The following CLEC5A variants were observed in gnomAD, a reference collection of about 807,000 sequenced individuals.
CLEC5A encodes the protein C-type lectin domain family 5 member A.
A neutral mutation model predicts 24.4 loss-of-function variants in CLEC5A; 15 were observed. The ratio of observed to expected loss-of-function variants is 0.62; its 90% confidence interval spans 0.41 to 0.95. The LOEUF (loss-of-function observed/expected upper bound fraction) is 0.95. CLEC5A is among the 40% of genes least tolerant of loss of function. The probability of loss-of-function intolerance (pLI) is 0.00; values close to 1 mark genes in which losing one functional copy is unlikely to be tolerated. For missense variants in CLEC5A, 211 were observed against 224.0 expected (o/e 0.94, Z 0.37); for synonymous variants, 71 against 72.6 (o/e 0.98, Z 0.11).
chr7:141,941,141 G>T (rs186696488), intron 4 of CLEC5A, among the ~76,000 whole-genome samples: 1 of 151,718 alleles, frequency 6.6e-6, no homozygotes, highest in Non-Finnish European at 1.5e-5. Flanking sequence ...GAAACTACAC[G>T]CAAATATACC....
At chr7:141,930,834 C>T (rs73525929) in intron 6 of CLEC5A, among the ~76,000 whole-genome samples, 9,346 of 152,140 alleles carry the variant, frequency 0.061, 423 homozygotes, top group South Asian at 0.18. Context: ...AAATGGGGAG[C>T]GATAAAAGCT....
intron 6 of CLEC5A, 139 bp from the exon 7 acceptor site, chr7:141,930,357 C>T: frequency 1.6e-6 from 1 of 643,182 alleles, no homozygotes; most frequent in African/African-American, 1.8e-5. Context: ...CAGCAGACTA[C>T]CGGGCCCACA....
At position 141,929,956 on chromosome 7, in the gene CLEC5A, C is replaced by G. The variant is rs1280546506; in HGVS notation, c.*148G>C. On this transcript the variant is annotated 3_prime_UTR_variant, in exon 7 of 7. Coordinates refer to ENST00000546910, the MANE Select transcript of CLEC5A (RefSeq NM_013252.3). The stretch of plus-strand genomic sequence containing the variant: ...CCTGGAGATGGCTAGCATCCAGTCC[C>G]CCAGTGCAGAAGAAAGAAGCTCAGT... 3.3e-6 allele frequency: 2 copies of G among 608,218 alleles called. No individual in the cohort carries two copies. Among genetic ancestry groups the G allele is most frequent in the African/African-American group, 3.7e-5 (2 of 53,512 alleles). The allele number at this position is 608,218 out of a possible 1,614,324, so 37.7% of individuals were successfully genotyped here. A position where few individuals can be genotyped will look rare whatever the true frequency, so the allele number is the denominator to read the frequency against.
chr7:141,940,899 C>T (rs1802775820), intron 4 of CLEC5A, among the ~76,000 whole-genome samples: 1 of 151,986 alleles, frequency 6.6e-6, no homozygotes, highest in Non-Finnish European at 1.5e-5. Flanking sequence ...AAAACCTGAA[C>T]AGATCAATAA....
intron 4 of CLEC5A, 125 bp from the exon 5 acceptor site, chr7:141,936,075 C>A: frequency 1.3e-6 from 1 of 796,844 alleles, no homozygotes; most frequent in Non-Finnish European, 2.1e-6. Context: ...AAAAATTATT[C>A]TCCATCCAGG....
At position 141,933,389 on chromosome 7, in the gene CLEC5A, C is replaced by T. The variant is rs61274489; in HGVS notation, c.346-1563G>A. Among the ~76,000 whole-genome samples the T allele has an allele frequency of 7.0e-3, 1,067 of 151,600 alleles. 11 individuals are homozygous for T. The highest frequency in any genetic ancestry group is 0.024 in the African/African-American group (984 of 41,228). ...GCAGCCTGGAGCTCTTGAGGAACTA[C>T]GAGATGCTCAGCGTAGTTAGTGCAG... On this transcript the variant is annotated intron_variant, in intron 5 of 6. Transcript: ENST00000546910.
At position 141,942,080 on chromosome 7, in the gene CLEC5A, G is replaced by A. The variant is rs556711083; in HGVS notation, c.208+1816C>T. ...ATTCACAGAAACAGAAAAAATTATC[G>A]TAAAATGTACATGGAACCACAGAAG... On this transcript the variant is annotated intron_variant, in intron 4 of 6. Transcript: ENST00000546910. Among the ~76,000 whole-genome samples the A allele has an allele frequency of 2.3e-4, 35 of 151,952 alleles. No homozygotes were observed. In the South Asian group the frequency reaches 5.8e-3, roughly 25 times the overall value.
intron 5 of CLEC5A, among the ~76,000 whole-genome samples, chr7:141,935,031 G>A (rs1299929369): frequency 1.3e-5 from 2 of 152,022 alleles, no homozygotes; most frequent in Non-Finnish European, 2.9e-5. Context: ...TGCTACCTGG[G>A]TACTTAGCCC....
intron 6 of CLEC5A, among the ~76,000 whole-genome samples, chr7:141,931,031 T>A (rs1727355131): frequency 2.0e-5 from 3 of 152,144 alleles, no homozygotes; most frequent in African/African-American, 7.2e-5. Flanking sequence ...CTGGGAAGAT[T>A]ATTGATGTTC....
rs528020002 is a variant in CLEC5A at position 141,929,076 on chromosome 7, T to A, written c.*1028A>T. 1.3e-5 allele frequency: 2 copies of A among 152,212 alleles called. No homozygotes were observed. The highest frequency in any genetic ancestry group is 2.9e-5 in the Non-Finnish European group (2 of 68,074). 9.4% of individuals were successfully genotyped at this position (152,212 alleles called of 1,614,324 possible). A position where few individuals can be genotyped will look rare whatever the true frequency, so the allele number is the denominator to read the frequency against. ...TGACCCTGATGTTCCCTTTTTACTA[T>A]GTGCTTATTCCGTGCCCCCAGCCAA... On this transcript the variant is annotated 3_prime_UTR_variant, in exon 7 of 7. Transcript: ENST00000546910.
intron 2 of CLEC5A, chr7:141,945,713 G>A: frequency 2.4e-6 from 1 of 414,854 alleles, no homozygotes. Flanking sequence ...TGGGGCTAGA[G>A]AAGATTCTAG....
At chr7:141,939,260 A>T (rs760722772) in intron 4 of CLEC5A, among the ~76,000 whole-genome samples, 3 of 152,142 alleles carry the variant, frequency 2.0e-5, no homozygotes, top group Non-Finnish European at 4.4e-5. Context: ...AAACAATAAA[A>T]AGTTAAAAAG....
In CLEC5A at chr7:141,941,589, CAA is replaced by C. The variant is rs1563076855; in HGVS notation, c.208+2305_208+2306del. 7.2e-5 allele frequency among the ~76,000 whole-genome samples: 11 copies of C among 152,066 alleles called. No individual in the cohort carries two copies. In the South Asian group the frequency reaches 2.3e-3, roughly 32 times the overall value. ...GGGAGGCTTAGCTAGAGCAGTCAGA[CAA>C]GAGAAAGAAATAAAGGGCATCCAAA... On this transcript the variant is annotated intron_variant, in intron 4 of 6. Transcript: ENST00000546910.
chr7:141,931,928 G>C lies in CLEC5A; in HGVS notation c.346-102C>G, dbSNP rs576650864. 5 of 598,340 alleles carry C rather than the reference G, an allele frequency of 8.4e-6. No individual in the cohort carries two copies. In the East Asian group the frequency reaches 1.1e-4, roughly 14 times the overall value. The allele number at this position is 598,340 out of a possible 1,614,324, so 37.1% of individuals were successfully genotyped here. ...CTGATCCTGGGAATAAGGAAGGCCG[G>C]TAGAGAACTCTGGGACCAGCTATAG... On this transcript the variant is annotated intron_variant, in intron 5 of 6. Coordinates refer to ENST00000546910, the MANE Select transcript of CLEC5A (RefSeq NM_013252.3).
At chr7:141,939,243 T>A (rs1802714855) in intron 4 of CLEC5A, among the ~76,000 whole-genome samples, 1 of 152,172 alleles carries the variant, frequency 6.6e-6, no homozygotes, top group Non-Finnish European at 1.5e-5. Context: ...AACAAAGTTA[T>A]AAATAGAAAC....
chr7:141,935,368 G>C (rs1228565349), intron 5 of CLEC5A, among the ~76,000 whole-genome samples: 1 of 152,110 alleles, frequency 6.6e-6, no homozygotes, highest in Non-Finnish European at 1.5e-5. Flanking sequence ...AGTATGACCT[G>C]ATTCTTACTT....
At position 141,941,286 on chromosome 7, in the gene CLEC5A, T is replaced by C. The variant is rs139680314; in HGVS notation, c.208+2610A>G. Among the ~76,000 whole-genome samples the C allele has an allele frequency of 2.0e-5, 3 of 152,274 alleles. No homozygotes were observed. The East Asian group carries it at 5.8e-4, about 29-fold the overall frequency. On this transcript the variant is annotated intron_variant, in intron 4 of 6. Transcript: ENST00000546910. ...GGATGGTTCAACATATGCAACTTAATCAATGTAATACATTATATCAACAGA... is the reference window on the plus strand; with the variant it reads ...GGATGGTTCAACATATGCAACTTAACCAATGTAATACATTATATCAACAGA...
intron 5 of CLEC5A, among the ~76,000 whole-genome samples, chr7:141,932,200 T>A (rs1465923574): frequency 6.6e-6 from 1 of 152,236 alleles, no homozygotes; most frequent in Non-Finnish European, 1.5e-5. Context: ...AAAAAATATG[T>A]CATGCTTCTA....
At chr7:141,945,196 A>G (rs1447695926) in intron 3 of CLEC5A, 145 bp downstream of exon 3, 43 of 748,694 alleles carry the variant, frequency 5.7e-5, no homozygotes, top group South Asian at 2.2e-4. Context: ...CTCATATGTA[A>G]AAGAAAGGGA....
Sources: allele counts gnomAD v4.1 joint callset (sites outside exome capture counted in the v4.1 genomes callset), GRCh38; gene constraint gnomAD v4.1.1; transcripts MANE v1.5; gene names NCBI Gene and HGNC (gene_info 2026-07-23, HGNC 2026-07-21).